Variants in MITF observed in about 807,000 individuals in gnomAD.
MITF encodes melanocyte inducing transcription factor.
In MITF, 17 loss-of-function variants were observed where a neutral mutation model predicts 60.5. The observed-to-expected ratio is 0.28, with a 90% confidence interval of 0.19 to 0.42. The LOEUF (loss-of-function observed/expected upper bound fraction) is 0.42, where lower values mean the gene tolerates loss of function less well. Among genes scored for constraint, MITF ranks in the 10% least tolerant of loss-of-function variants. The pLI, the probability that MITF is intolerant of heterozygous loss-of-function variation, is 1.00. For missense variants in MITF, 622 were observed against 683.5 expected (o/e 0.91, Z 1.00); for synonymous variants, 260 against 248.5 (o/e 1.05, Z -0.43).
intron 2 of MITF, among the ~76,000 whole-genome samples, chr3:69,937,554 T>G (rs2065870832): frequency 6.6e-6 from 1 of 152,170 alleles, no homozygotes; most frequent in Non-Finnish European, 1.5e-5. Flanking sequence ...TTATTAGATA[T>G]GAGAAGAAGG....
intron 1 of MITF, among the ~76,000 whole-genome samples, chr3:69,868,759 C>T (rs948678305): frequency 6.6e-6 from 1 of 151,926 alleles, no homozygotes; most frequent in Non-Finnish European, 1.5e-5. Flanking sequence ...ATTAGCCAGG[C>T]ATGGTGTCCC....
At chr3:69,837,166 G>C (rs1190530185) in intron 1 of MITF, among the ~76,000 whole-genome samples, 2 of 152,174 alleles carry the variant, frequency 1.3e-5, no homozygotes, top group African/African-American at 4.8e-5. Flanking sequence ...AGCTACAAGA[G>C]AGTCTGGGAA....
At chr3:69,898,053 G>A (rs1404738957) in intron 2 of MITF, among the ~76,000 whole-genome samples, 1 of 152,232 alleles carries the variant, frequency 6.6e-6, no homozygotes, top group Non-Finnish European at 1.5e-5. Context: ...ACTGCTAACA[G>A]GGAAGACACA....
chr3:69,884,412 A>G (rs1365281939), intron 2 of MITF, among the ~76,000 whole-genome samples: 1 of 152,126 alleles, frequency 6.6e-6, no homozygotes, highest in African/African-American at 2.4e-5. Context: ...AAAAAAATGT[A>G]TAATTTATTT....
chr3:69,792,619 T>C lies in MITF; in HGVS notation c.104+52918T>C, dbSNP rs148873862. ...CAAATAAGATATGTATCTAGAGAAA[T>C]TTGTTTTTCTAATTTTTACAAAAGT... On this transcript the variant is annotated intron_variant, in intron 1 of 9. Transcript: ENST00000352241. Among the ~76,000 whole-genome samples, 100 of 152,260 alleles carry C rather than the reference T, an allele frequency of 6.6e-4. 1 individual carries two copies. The East Asian group carries it at 0.016, about 25-fold the overall frequency.
intron 1 of MITF, among the ~76,000 whole-genome samples, chr3:69,771,991 G>T (rs1386862561): frequency 6.6e-6 from 1 of 152,128 alleles, no homozygotes; most frequent in Non-Finnish European, 1.5e-5. Flanking sequence ...GGAGATCGTT[G>T]GTTTTTAATT....
At chr3:69,961,735 CA>C (rs926426022) in intron 9 of MITF, among the ~76,000 whole-genome samples, 2 of 151,670 alleles carry the variant, frequency 1.3e-5, no homozygotes, top group Admixed American at 6.6e-5. Context: ...AAAAAACAAA[CA>C]AAAAAAAGCA....
Position 69,959,387 on chromosome 3 carries a change from G to A in MITF, c.1146G>A (p.Glu382=), listed in dbSNP as rs779560468. ...KELENRQKKL[E]HANRHLLLRI... is the part of the protein sequence containing the mutation. ...TTGAAAACCGACAGAAGAAACTGGA[G>A]CACGCCAACCGGCATTTGTTGCTCA... The change falls in exon 9 of 10, where the codon GAG becomes GAA. Residue 382 remains glutamate (E), a synonymous_variant. Transcript: ENST00000352241. The A allele has an allele frequency of 5.0e-6, 8 of 1,613,954 alleles. No homozygotes were observed. The Admixed American group carries it at 1.3e-4, about 27-fold the overall frequency.
chr3:69,817,088 A>G (rs1212680328), intron 1 of MITF, among the ~76,000 whole-genome samples: 2 of 152,186 alleles, frequency 1.3e-5, no homozygotes, highest in Admixed American at 6.6e-5. Context: ...AAATACTCAT[A>G]TAAGTTTAGG....
At chr3:69,785,058 C>T (rs1575707744) in intron 1 of MITF, among the ~76,000 whole-genome samples, 1 of 149,332 alleles carries the variant, frequency 6.7e-6, no homozygotes, top group East Asian at 2.0e-4. Flanking sequence ...TTTTAAATAG[C>T]ACAAGATGAT....
At chr3:69,762,573 A>G (rs924645633) in intron 1 of MITF, among the ~76,000 whole-genome samples, 1 of 152,222 alleles carries the variant, frequency 6.6e-6, no homozygotes, top group Admixed American at 6.5e-5. Context: ...GAGGACAATC[A>G]GGGAATTCTT....
intron 1 of MITF, among the ~76,000 whole-genome samples, chr3:69,742,630 C>G (rs147682474): frequency 6.6e-6 from 1 of 152,286 alleles, no homozygotes; most frequent in East Asian, 1.9e-4. Context: ...TTTGCCCAGA[C>G]AGACCCAGTG....
chr3:69,892,781 G>T lies in MITF; in HGVS notation c.354+13398G>T, dbSNP rs762912639. Among the ~76,000 whole-genome samples, 7 of 152,318 alleles carry T rather than the reference G, an allele frequency of 4.6e-5. No individual in the cohort carries two copies. In the South Asian group the frequency reaches 8.3e-4, roughly 18 times the overall value. On this transcript the variant is annotated intron_variant, in intron 2 of 9. Transcript: ENST00000352241. ...TTCCCCCAGCAGTAGGCCCTTCATG[G>T]TCTGTCTCTGACATCAAAGGTCTTT...
chr3:69,875,676 T>C (rs2064337238), intron 1 of MITF, among the ~76,000 whole-genome samples: 2 of 152,270 alleles, frequency 1.3e-5, no homozygotes, highest in Admixed American at 1.3e-4. Context: ...TTGCCACTTG[T>C]AATGTTCTCA....
At chr3:69,866,219 C>G (rs2064111720) in intron 1 of MITF, 8 of 1,603,130 alleles carry the variant, frequency 5.0e-6, no homozygotes, top group Non-Finnish European at 6.8e-6. Context: ...CCTAGTGACA[C>G]AGCCAGTGCC....
chr3:69,958,935 T>C (rs1386223853), intron 8 of MITF, among the ~76,000 whole-genome samples: 1 of 151,372 alleles, frequency 6.6e-6, no homozygotes, highest in Non-Finnish European at 1.5e-5. Context: ...CTATAATTAA[T>C]GTATGATTAT....
rs1703447899 is a variant in MITF at position 69,739,577 on chromosome 3, G to A, written c.-21G>A. The A allele has an allele frequency of 1.3e-6, 2 of 1,555,320 alleles. No individual in the cohort carries two copies. The highest frequency in any genetic ancestry group is 1.4e-5 in the African/African-American group (1 of 73,828). ...GCTCTGTTCTCACTTTCCAGCAGTG[G>A]AAGGACGGGAAGCGGGAGCCATGCA... is the stretch of plus-strand genomic sequence containing the variant. On this transcript the variant is annotated 5_prime_UTR_variant, in exon 1 of 10. Transcript: ENST00000352241.
intron 1 of MITF, among the ~76,000 whole-genome samples, chr3:69,860,547 G>C (rs938386452): frequency 7.7e-5 from 11 of 143,754 alleles, no homozygotes; most frequent in Non-Finnish European, 1.2e-4. Flanking sequence ...GCAGTGAGCG[G>C]AGATCGCGCC....
intron 1 of MITF, among the ~76,000 whole-genome samples, chr3:69,776,696 T>C (rs1394195256): frequency 6.6e-6 from 1 of 152,198 alleles, no homozygotes; most frequent in Non-Finnish European, 1.5e-5. Context: ...TCTCTTTTTG[T>C]AATATGCGGA....
Sources: allele counts gnomAD v4.1 joint callset (sites outside exome capture counted in the v4.1 genomes callset), GRCh38; gene constraint gnomAD v4.1.1; transcripts MANE v1.5; gene names NCBI Gene and HGNC (gene_info 2026-07-23, HGNC 2026-07-21).